Variants in YIF1B observed in about 807,000 individuals in gnomAD.
YIF1B encodes protein YIF1B.
YIF1B carries 24 observed loss-of-function variants against 34.6 expected under a neutral mutation model. The observed-to-expected ratio is 0.69, with a 90% CI of 0.50 to 0.98. YIF1B has a LOEUF of 0.98. YIF1B is among the 50% of genes least tolerant of loss of function. The pLI is 0.00. For synonymous variants in YIF1B, 186 were observed against 184.8 expected, an observed-to-expected ratio of 1.01 and a Z score of -0.05; for missense variants, 368 against 429.4, an observed-to-expected ratio of 0.86 and a Z score of 1.26.
intron 5 of YIF1B, among the ~76,000 whole-genome samples, 194 bp downstream of exon 5, chr19:38,308,598 G>A (rs572985549): frequency 3.9e-5 from 6 of 152,088 alleles, no homozygotes; most frequent in African/African-American, 1.4e-4. Context: ...GTGACGCAAT[G>A]CATGTGGGTA....
Position 38,308,938 on chromosome 19 carries a change from C to T in YIF1B, c.481+41G>A, listed in dbSNP as rs772305430. On this transcript the variant is annotated intron_variant, in intron 4 of 7. Transcript: ENST00000339413. The stretch of plus-strand genomic sequence containing the variant: ...CCCACACACCCGCTCCATATAGGCC[C>T]GGAAGAGAGAGGAGGGTGCAGGGTA... 5 of 1,612,754 alleles carry T rather than the reference C, an allele frequency of 3.1e-6. No homozygotes were observed. In the South Asian group the frequency reaches 3.3e-5, roughly 11 times the overall value.
chr19:38,319,490 T>C (rs138202382), upstream of YIF1B, among the ~76,000 whole-genome samples: 215 of 152,232 alleles, frequency 1.4e-3, 1 homozygote, highest in African/African-American at 4.3e-3. Context: ...GGAGCGAGAA[T>C]TGGATTTCAG....
At chr19:38,313,547 C>T (rs1969411655) in intron 1 of YIF1B, among the ~76,000 whole-genome samples, 1 of 152,228 alleles carries the variant, frequency 6.6e-6, no homozygotes. Context: ...GCGTGAGCCA[C>T]CTAACCCGGC....
chr19:38,307,667 A>G lies in YIF1B; in HGVS notation c.625T>C (p.Tyr209His). The G allele has an allele frequency of 6.2e-7, 1 of 1,613,798 alleles. No individual in the cohort carries two copies. The highest frequency in any genetic ancestry group is 8.5e-7 in the Non-Finnish European group (1 of 1,179,998). ...LEVLAILLSL[Y>H]LVTVNTDLTT... is the part of the protein sequence containing the mutation. ...AGGTCGGTGTTGACAGTGACCAGATAGAGGCTGAGCAGGATGGCCAGCACC... is the reference window on the plus strand; with the variant it reads ...AGGTCGGTGTTGACAGTGACCAGATGGAGGCTGAGCAGGATGGCCAGCACC... Residue 209 changes from tyrosine to histidine, a missense_variant, in exon 6 of 8, where the codon TAT becomes CAT. Coordinates refer to ENST00000339413, the MANE Select transcript of YIF1B (RefSeq NM_001039672.3).
At position 38,309,051 on chromosome 19, in the gene YIF1B, C is replaced by T; in HGVS notation, c.409G>A (p.Glu137Lys). Residue 137 changes from glutamate to lysine, a missense_variant, in exon 4 of 8, where the codon GAA becomes AAA. Transcript: ENST00000339413. ...LFFPYLHQDW[E>K]VQYQQDTPVA... ...GGGGTGTCCTGTTGGTACTGCACTTCCCAGTCCTGCGGGGATGGGGAGACG... is the reference window on the plus strand; with the variant it reads ...GGGGTGTCCTGTTGGTACTGCACTTTCCAGTCCTGCGGGGATGGGGAGACG... The T allele has an allele frequency of 6.4e-7, 1 of 1,553,848 alleles. No individual in the cohort carries two copies. Among genetic ancestry groups the T allele is most frequent in the Non-Finnish European group, 8.7e-7 (1 of 1,147,856 alleles).
intron 1 of YIF1B, among the ~76,000 whole-genome samples, chr19:38,314,463 G>C (rs988055053): frequency 1.3e-5 from 2 of 151,904 alleles, no homozygotes; most frequent in South Asian, 4.2e-4. Context: ...AAAATCCTGG[G>C]ATTATAGGTG....
At chr19:38,316,192 G>A (rs1473152121), upstream of YIF1B, among the ~76,000 whole-genome samples, 1 of 152,200 alleles carries the variant, frequency 6.6e-6, no homozygotes, top group Non-Finnish European at 1.5e-5. Flanking sequence ...CCCAGGAGGA[G>A]GCGGTGTCTG....
intron 1 of YIF1B, among the ~76,000 whole-genome samples, chr19:38,311,455 G>A (rs968454427): frequency 6.6e-6 from 1 of 152,186 alleles, no homozygotes; most frequent in Non-Finnish European, 1.5e-5. Flanking sequence ...CAATAATCCT[G>A]TGGATGAACT....
chr19:38,305,469 T>C lies in YIF1B; in HGVS notation c.828A>G (p.Ala276=), dbSNP rs1461875388. ...CCCCACGCACCGGGACCCCCTCAGC[T>C]GCTGCGTCTGCCAAGATCTTCAGCC... ...TLRLKILADA[A]AEGVPVRGAR... is the part of the protein sequence containing the mutation. Residue 276 remains alanine (A), a synonymous_variant, in exon 8 of 8, where the codon GCA becomes GCG. Coordinates refer to ENST00000339413, the MANE Select transcript of YIF1B (RefSeq NM_001039672.3). 11 of 1,607,694 alleles carry C rather than the reference T, an allele frequency of 6.8e-6. No individual in the cohort carries two copies. The Middle Eastern group carries it at 5.0e-4, about 72-fold the overall frequency.
In YIF1B at chr19:38,304,608, C is replaced by T. The variant is rs537637596; in HGVS notation, c.*744G>A. ...CTGGGTAAGGGGCGCCGCCTCACTG[C>T]CGCACCTCCATCCAGCAAGGACACC... On this transcript the variant is annotated 3_prime_UTR_variant, in exon 8 of 8. Coordinates refer to ENST00000339413, the MANE Select transcript of YIF1B (RefSeq NM_001039672.3). 42 of 1,613,288 alleles carry T rather than the reference C, an allele frequency of 2.6e-5. No homozygotes were observed. In the South Asian group the frequency reaches 4.5e-4, roughly 17 times the overall value.
At chr19:38,319,476 G>T (rs1969619777), upstream of YIF1B, among the ~76,000 whole-genome samples, 2 of 152,184 alleles carry the variant, frequency 1.3e-5, no homozygotes, top group Non-Finnish European at 2.9e-5. Context: ...ACAACTTGGC[G>T]AATGGAGCGA....
intron 5 of YIF1B, 125 bp from the exon 6 acceptor site, chr19:38,307,877 G>A (rs928294627): frequency 7.2e-6 from 9 of 1,254,966 alleles, no homozygotes; most frequent in Admixed American, 7.0e-5. Flanking sequence ...GGATGTGCGC[G>A]CTATCCTATT....
chr19:38,313,658 G>A (rs1404225406), intron 1 of YIF1B, among the ~76,000 whole-genome samples: 1 of 152,252 alleles, frequency 6.6e-6, no homozygotes, highest in Non-Finnish European at 1.5e-5. Context: ...GCTAGGCCCT[G>A]CATGACCCAC....
At chr19:38,320,908 CT>C (rs1263935372), upstream of YIF1B, among the ~76,000 whole-genome samples, 1 of 152,134 alleles carries the variant, frequency 6.6e-6, no homozygotes, top group Non-Finnish European at 1.5e-5. Context: ...GTCCAGCCCC[CT>C]CTAAGCCTAG....
At chr19:38,310,753 C>T (rs1467716930) in intron 1 of YIF1B, among the ~76,000 whole-genome samples, 1 of 152,112 alleles carries the variant, frequency 6.6e-6, no homozygotes, top group Admixed American at 6.6e-5. Context: ...AAGGCCGCTG[C>T]ACCAGCTGTG....
intron 1 of YIF1B, chr19:38,310,060 T>TCATCCATCCACCCATCCATC (rs1969256128): frequency 5.5e-6 from 1 of 182,114 alleles, no homozygotes; most frequent in Non-Finnish European, 1.0e-5. Flanking sequence ...GTCCATCCAT[T>TCATCCATCCACCCATCCATC]CATCCATCCA....
upstream of YIF1B, among the ~76,000 whole-genome samples, chr19:38,318,835 C>T (rs755861843): frequency 1.2e-4 from 18 of 152,248 alleles, no homozygotes; most frequent in African/African-American, 3.4e-4. Flanking sequence ...GTCAGGAAGG[C>T]GCTGAGTTCT....
chr19:38,305,297 C>A lies in YIF1B; in HGVS notation c.*55G>T. The A allele has an allele frequency of 6.4e-7, 1 of 1,569,446 alleles. No individual in the cohort carries two copies. The highest frequency in any genetic ancestry group is 8.6e-7 in the Non-Finnish European group (1 of 1,156,556). On this transcript the variant is annotated 3_prime_UTR_variant, in exon 8 of 8. Coordinates refer to ENST00000339413, the MANE Select transcript of YIF1B (RefSeq NM_001039672.3). The stretch of plus-strand genomic sequence containing the variant: ...GCCTGCAGGCAGGAGATGAGTTCGG[C>A]GGCCACAGTGGCCCCCAGCAGCAGC...
intron 1 of YIF1B, among the ~76,000 whole-genome samples, chr19:38,310,255 C>A: frequency 6.8e-6 from 1 of 146,630 alleles, no homozygotes; most frequent in Non-Finnish European, 1.5e-5. Context: ...AGCCAACTAT[C>A]CATCTAATGA....
Sources: allele counts gnomAD v4.1 joint callset (sites outside exome capture counted in the v4.1 genomes callset), GRCh38; gene constraint gnomAD v4.1.1; transcripts MANE v1.5; gene names NCBI Gene and HGNC (gene_info 2026-07-23, HGNC 2026-07-21).